The following TAF4B variants were observed in gnomAD, a reference collection of about 807,000 sequenced individuals.
TAF4B encodes transcription initiation factor TFIID subunit 4B.
TAF4B carries 38 observed loss-of-function variants against 86.4 expected under a neutral mutation model. That is an observed-to-expected ratio of 0.44 (90% confidence interval 0.34 to 0.58). The LOEUF is 0.58. TAF4B is among the 20% of genes least tolerant of loss of function. TAF4B has a pLI of 0.02. For synonymous variants in TAF4B, 388 were observed against 391.2 expected, an observed-to-expected ratio of 0.99 and a Z score of 0.10; for missense variants, 988 against 1,027.6, an observed-to-expected ratio of 0.96 and a Z score of 0.53.
At chr18:26,261,595 C>G (rs1012666620) in intron 1 of TAF4B, among the ~76,000 whole-genome samples, 34 of 152,340 alleles carry the variant, frequency 2.2e-4, no homozygotes, top group African/African-American at 7.9e-4. Flanking sequence ...AGGATCCACT[C>G]ATTGCCAGCT....
chr18:26,371,381 A>C lies in TAF4B; in HGVS notation c.2421+13587A>C, dbSNP rs552201779. Among the ~76,000 whole-genome samples, 5 of 152,290 alleles carry C rather than the reference A, an allele frequency of 3.3e-5. No homozygotes were observed. The East Asian group carries it at 9.6e-4, about 29-fold the overall frequency. On this transcript the variant is annotated intron_variant, in intron 14 of 14. Coordinates refer to ENST00000269142, the MANE Select transcript of TAF4B (RefSeq NM_005640.3). ...ATTCTTACCATTTCCTTATTTCTCT[A>C]TTCATGAGGGGAGCCTCACCACCCT...
chr18:26,313,162 A>G (rs77289321), intron 9 of TAF4B, among the ~76,000 whole-genome samples: 2 of 152,310 alleles, frequency 1.3e-5, no homozygotes, highest in East Asian at 3.9e-4. Flanking sequence ...GGACCTTAGA[A>G]AGCACCTAAT....
chr18:26,386,541 G>A (rs1978377494), intron 14 of TAF4B, among the ~76,000 whole-genome samples: 1 of 151,834 alleles, frequency 6.6e-6, no homozygotes, highest in Non-Finnish European at 1.5e-5. Context: ...AACATCACCA[G>A]AACTCCAGAA....
chr18:26,319,895 T>C (rs1324450805), intron 10 of TAF4B, among the ~76,000 whole-genome samples: 1 of 152,192 alleles, frequency 6.6e-6, no homozygotes, highest in Non-Finnish European at 1.5e-5. Context: ...TGGCCTATGC[T>C]GAGGGTTTTA....
At chr18:26,238,118 C>G (rs1010558442) in intron 1 of TAF4B, among the ~76,000 whole-genome samples, 2 of 152,152 alleles carry the variant, frequency 1.3e-5, no homozygotes, top group African/African-American at 4.8e-5. Context: ...AAACCTGTAC[C>G]TTTGCCTTTC....
Position 26,357,779 on chromosome 18 carries a change from A to G in TAF4B, c.2406A>G (p.Leu802=), listed in dbSNP as rs767248624. The stretch of plus-strand genomic sequence containing the variant: ...TTGGACCAAGGAAGAAGAGACCACT[A>G]GAATCTGGAATTGAGGTATTGAAAT... ...AAIGPRKKRP[L]ESGIEGLKDN... Residue 802 remains leucine, a synonymous_variant, in exon 14 of 15, where the codon CTA becomes CTG. Coordinates refer to ENST00000269142, the MANE Select transcript of TAF4B (RefSeq NM_005640.3). The G allele has an allele frequency of 1.9e-6, 3 of 1,608,542 alleles. No homozygotes were observed. The highest frequency in any genetic ancestry group is 2.6e-6 in the Non-Finnish European group (3 of 1,176,144).
chr18:26,324,625 C>T (rs1448741627), intron 11 of TAF4B, among the ~76,000 whole-genome samples: 24 of 152,176 alleles, frequency 1.6e-4, no homozygotes. Context: ...TCTCCCCCAC[C>T]TAGAAGACCT....
chr18:26,357,569 A>T lies in TAF4B; in HGVS notation c.2317-121A>T, dbSNP rs116472435. On this transcript the variant is annotated intron_variant, in intron 13 of 14. Transcript: ENST00000269142. ...TGCCCTTGGCTGTTATGGGAATCTA[A>T]TGTTTATTTTATATTGTAACTTTAT... 2,924 of 585,540 alleles carry T rather than the reference A, an allele frequency of 5.0e-3. 65 individuals carry two copies. The African/African-American group carries it at 0.05, about 10-fold the overall frequency. 36.3% of individuals were successfully genotyped at this position (585,540 alleles called of 1,614,324 possible). A position where few individuals can be genotyped will look rare whatever the true frequency, so the allele number is the denominator to read the frequency against.
At chr18:26,237,285 A>G (rs1411313772) in intron 1 of TAF4B, among the ~76,000 whole-genome samples, 5 of 152,216 alleles carry the variant, frequency 3.3e-5, no homozygotes, top group Non-Finnish European at 7.4e-5. Flanking sequence ...TTGATCTAAC[A>G]ATAGCAAGAC....
chr18:26,345,730 A>C (rs1221645728), intron 13 of TAF4B, among the ~76,000 whole-genome samples: 1 of 152,210 alleles, frequency 6.6e-6, no homozygotes, highest in Admixed American at 6.5e-5. Flanking sequence ...TTTCTACCAC[A>C]TGAATGGAAA....
At chr18:26,383,441 C>T (rs984352741) in intron 14 of TAF4B, among the ~76,000 whole-genome samples, 4 of 152,028 alleles carry the variant, frequency 2.6e-5, no homozygotes, top group African/African-American at 7.2e-5. Flanking sequence ...AGGATGACAT[C>T]CAATTTTCTG....
chr18:26,293,043 A>G (rs1598766929), intron 8 of TAF4B, among the ~76,000 whole-genome samples: 1 of 152,186 alleles, frequency 6.6e-6, no homozygotes, highest in Admixed American at 6.5e-5. Flanking sequence ...ATGCATGCAT[A>G]TGTATGGAAA....
In TAF4B at chr18:26,292,415, G is replaced by T. The variant is rs2056604801; in HGVS notation, c.1726+34G>T. ...TGGTCCATCTCAGTCCCATCATGCTGGGTTAGAACATGAAGGGGTTTTGTA... is the reference window on the plus strand; with the variant it reads ...TGGTCCATCTCAGTCCCATCATGCTTGGTTAGAACATGAAGGGGTTTTGTA... On this transcript the variant is annotated intron_variant, in intron 8 of 14. Transcript: ENST00000269142. The T allele has an allele frequency of 5.7e-6, 9 of 1,582,886 alleles. No individual in the cohort carries two copies. In the East Asian group the frequency reaches 2.1e-4, roughly 36 times the overall value.
intron 7 of TAF4B, among the ~76,000 whole-genome samples, chr18:26,287,814 T>G (rs1006488563): frequency 6.6e-5 from 10 of 152,168 alleles, no homozygotes; most frequent in African/African-American, 2.2e-4. Context: ...CAGGGCAGCT[T>G]TGGACATAGA....
intron 10 of TAF4B, among the ~76,000 whole-genome samples, chr18:26,320,538 A>C (rs2056953178): frequency 6.6e-6 from 1 of 152,186 alleles, no homozygotes; most frequent in Non-Finnish European, 1.5e-5. Flanking sequence ...TTGACTACTA[A>C]GTGAATATAT....
At chr18:26,314,187 C>T (rs1422903021) in intron 9 of TAF4B, among the ~76,000 whole-genome samples, 1 of 151,852 alleles carries the variant, frequency 6.6e-6, no homozygotes, top group Non-Finnish European at 1.5e-5. Flanking sequence ...ACCATTTGGC[C>T]CATGCAATAA....
At chr18:26,249,441 C>T (rs1192203656) in intron 1 of TAF4B, among the ~76,000 whole-genome samples, 1 of 151,404 alleles carries the variant, frequency 6.6e-6, no homozygotes, top group East Asian at 1.9e-4. Context: ...GATTGCACTC[C>T]AGCCTGGGCA....
In TAF4B at chr18:26,258,695, T is replaced by TA. The variant is rs79408564; in HGVS notation, c.344-6466dup. Among the ~76,000 whole-genome samples, 21 of 151,686 alleles carry TA rather than the reference T, an allele frequency of 1.4e-4. 1 individual carries two copies. The highest frequency in any genetic ancestry group is 1.1e-3 in the Admixed American group (16 of 15,212). On this transcript the variant is annotated intron_variant, in intron 1 of 14. Transcript: ENST00000269142. The stretch of plus-strand genomic sequence containing the variant: ...ACTAATGAATCTTCTCAGTTTAAAT[T>TA]AAAAAAAAATTTTTTTTAGAGACAA...
At chr18:26,385,136 A>G (rs1414979465) in intron 14 of TAF4B, among the ~76,000 whole-genome samples, 2 of 152,206 alleles carry the variant, frequency 1.3e-5, no homozygotes, top group African/African-American at 4.8e-5. Flanking sequence ...GACTTAGAGC[A>G]GTCATCCAAT....
Sources: gnomAD v4.1 joint callset for allele counts (sites outside exome capture counted in the v4.1 genomes callset) on GRCh38, gnomAD v4.1.1 for gene constraint, MANE v1.5 for transcripts, NCBI Gene and HGNC (gene_info 2026-07-23, HGNC 2026-07-21) for gene names.